Variants in LCLAT1 observed in about 807,000 individuals in gnomAD.
LCLAT1 encodes the protein lysocardiolipin acyltransferase 1.
A neutral mutation model predicts 30.7 loss-of-function variants in LCLAT1; 11 were observed. That is an observed-to-expected ratio of 0.36 (90% CI 0.23 to 0.59). The LOEUF is 0.59. Ranked by LOEUF, LCLAT1 falls within the 20% of genes least tolerant of loss-of-function variation. The pLI, the probability that LCLAT1 is intolerant of heterozygous loss-of-function variation, is 0.77. For missense variants in LCLAT1, 402 were observed against 458.6 expected (o/e 0.88, Z 1.13); for synonymous variants, 155 against 151.3 (o/e 1.02, Z -0.18).
intron 5 of LCLAT1, among the ~76,000 whole-genome samples, chr2:30,596,995 G>A (rs866628508): frequency 7.9e-6 from 1 of 127,276 alleles, no homozygotes; most frequent in African/African-American, 3.0e-5. Flanking sequence ...CTGTTCCATT[G>A]GTCTATGTGT....
chr2:30,527,610 C>T (rs1685779878), intron 2 of LCLAT1, among the ~76,000 whole-genome samples: 1 of 152,124 alleles, frequency 6.6e-6, no homozygotes, highest in Non-Finnish European at 1.5e-5. Flanking sequence ...CACTATTGGC[C>T]TTCCCACTTT....
chr2:30,541,353 C>T (rs904167854), intron 3 of LCLAT1, among the ~76,000 whole-genome samples: 1 of 152,058 alleles, frequency 6.6e-6, no homozygotes, highest in Non-Finnish European at 1.5e-5. Context: ...GATTGCACCA[C>T]TGCACTCCAG....
At position 30,472,296 on chromosome 2, in the gene LCLAT1, C is replaced by G. The variant is rs577814614; in HGVS notation, c.-5+24913C>G. On this transcript the variant is annotated intron_variant, in intron 1 of 5. Coordinates refer to ENST00000379509, the MANE Select transcript of LCLAT1 (RefSeq NM_001002257.3). The stretch of plus-strand genomic sequence containing the variant: ...TTCCACTTGTTTATTTGGTTTTACT[C>G]TCTAAACTGTTGGAGTTGATAATTA... Among the ~76,000 whole-genome samples the G allele has an allele frequency of 8.5e-5, 13 of 152,312 alleles. No homozygotes were observed. The East Asian group carries it at 2.5e-3, about 29-fold the overall frequency.
intron 1 of LCLAT1, among the ~76,000 whole-genome samples, chr2:30,469,968 T>C (rs767813897): frequency 6.6e-6 from 1 of 152,120 alleles, no homozygotes; most frequent in Non-Finnish European, 1.5e-5. Context: ...TGGCCTCAAG[T>C]GATCCACCCG....
At chr2:30,543,035 G>A (rs1409440312) in intron 3 of LCLAT1, among the ~76,000 whole-genome samples, 2 of 146,192 alleles carry the variant, frequency 1.4e-5, no homozygotes, top group African/African-American at 2.5e-5. Context: ...AGACATCCTT[G>A]CCGTGTCCCT....
At chr2:30,475,804 C>G (rs915692901) in intron 1 of LCLAT1, among the ~76,000 whole-genome samples, 1 of 152,158 alleles carries the variant, frequency 6.6e-6, no homozygotes, top group Admixed American at 6.5e-5. Flanking sequence ...GAGAAGATTT[C>G]AGTATAATGA....
chr2:30,457,926 G>A (rs72853170), intron 1 of LCLAT1, among the ~76,000 whole-genome samples: 1 of 151,986 alleles, frequency 6.6e-6, no homozygotes, highest in Non-Finnish European at 1.5e-5. Flanking sequence ...AAGAGATGTT[G>A]TAAGTTACAC....
intron 1 of LCLAT1, among the ~76,000 whole-genome samples, chr2:30,506,649 T>C (rs988549505): frequency 2.6e-5 from 4 of 152,110 alleles, no homozygotes; most frequent in African/African-American, 9.7e-5. Flanking sequence ...GGAAAACAAA[T>C]ACAGTTCTCA....
chr2:30,553,652 A>C (rs1664782127), intron 3 of LCLAT1, among the ~76,000 whole-genome samples: 1 of 151,790 alleles, frequency 6.6e-6, no homozygotes, highest in Non-Finnish European at 1.5e-5. Context: ...CGTCTCTACT[A>C]AAAATACAAA....
rs1572548723 is a variant in LCLAT1, at chr2:30,511,070, G to GA, written c.-4-14516dup. 2.0e-5 allele frequency among the ~76,000 whole-genome samples: 3 copies of GA among 151,960 alleles called. No homozygotes were observed. In the East Asian group the frequency reaches 5.8e-4, roughly 29 times the overall value. ...TAATTTAGTCTCTAATGTCATGTTA[G>GA]AGTGTTTGCTCAGAAGTCTCATTAT... is the stretch of plus-strand genomic sequence containing the variant. On this transcript the variant is annotated intron_variant, in intron 1 of 5. Coordinates refer to ENST00000379509, the MANE Select transcript of LCLAT1 (RefSeq NM_001002257.3).
chr2:30,617,319 A>T (rs1458329680), intron 5 of LCLAT1, among the ~76,000 whole-genome samples: 1 of 152,086 alleles, frequency 6.6e-6, no homozygotes, highest in African/African-American at 2.4e-5. Flanking sequence ...TTTAAGTTAG[A>T]ATAATGCTGT....
At chr2:30,555,900 C>T (rs914357586) in intron 3 of LCLAT1, among the ~76,000 whole-genome samples, 2 of 147,034 alleles carry the variant, frequency 1.4e-5, no homozygotes, top group Admixed American at 6.9e-5. Context: ...TGCACTGGCG[C>T]GATCTGGGCT....
rs1173293802 is a variant in LCLAT1 at position 30,606,126 on chromosome 2, G to T, written c.629-33991G>T. ...AATGGAAAAACACTCCATGCTCATGGATTGGAAGAATCAATATCGTGAAAT... is the reference window on the plus strand; with the variant it reads ...AATGGAAAAACACTCCATGCTCATGTATTGGAAGAATCAATATCGTGAAAT... On this transcript the variant is annotated intron_variant, in intron 5 of 5. Coordinates refer to ENST00000379509, the MANE Select transcript of LCLAT1 (RefSeq NM_001002257.3). The T allele has an allele frequency of 2.1e-5, 18 of 870,336 alleles. No individual in the cohort carries two copies. In the Admixed American group the frequency reaches 4.3e-4, roughly 21 times the overall value. The allele number at this position is 870,336 out of a possible 1,614,324, so 53.9% of individuals were successfully genotyped here. A position where few individuals can be genotyped will look rare whatever the true frequency, so the allele number is the denominator to read the frequency against.
chr2:30,545,627 T>C (rs1033998501), intron 3 of LCLAT1, among the ~76,000 whole-genome samples: 3 of 148,186 alleles, frequency 2.0e-5, no homozygotes, highest in Non-Finnish European at 4.5e-5. Flanking sequence ...TATTAAGATA[T>C]ACAGAATAGA....
At chr2:30,468,743 G>C (rs1253794227) in intron 1 of LCLAT1, among the ~76,000 whole-genome samples, 2 of 152,072 alleles carry the variant, frequency 1.3e-5, no homozygotes, top group Non-Finnish European at 2.9e-5. Context: ...CTATGGATTT[G>C]CCTATTCTGA....
intron 1 of LCLAT1, among the ~76,000 whole-genome samples, chr2:30,502,097 A>T (rs1034259680): frequency 4.6e-5 from 7 of 152,206 alleles, no homozygotes; most frequent in African/African-American, 1.7e-4. Flanking sequence ...GGAGGGAGGA[A>T]AAAACCAGTC....
chr2:30,592,401 G>C (rs1436164198), intron 5 of LCLAT1, among the ~76,000 whole-genome samples: 1 of 152,140 alleles, frequency 6.6e-6, no homozygotes, highest in Non-Finnish European at 1.5e-5. Context: ...GATGGCTTGA[G>C]CTTGCTTGGG....
rs1686062804 is a variant in LCLAT1, at chr2:30,533,170, G to C, written c.220G>C (p.Val74Leu). 6.2e-7 allele frequency: 1 copy of C among 1,613,954 alleles called. No homozygotes were observed. Among genetic ancestry groups the C allele is most frequent in the South Asian group, 1.1e-5 (1 of 91,086 alleles). ...VKVIITGDAF[V>L]PGERSVIIMN... ...AGTGATTATAACTGGGGATGCATTT[G>C]TTCCTGGAGAAAGAAGTGTCATTAT... Residue 74 changes from valine (V) to leucine (L), a missense_variant, in exon 3 of 6, where the codon GTT (valine) becomes CTT (leucine). By Grantham distance (32) the Val-to-Leu change is conservative. Coordinates refer to ENST00000379509, the MANE Select transcript of LCLAT1 (RefSeq NM_001002257.3).
chr2:30,492,800 A>G (rs965676005), intron 1 of LCLAT1, among the ~76,000 whole-genome samples: 1 of 152,186 alleles, frequency 6.6e-6, no homozygotes, highest in Non-Finnish European at 1.5e-5. Flanking sequence ...GGTTGGAAGA[A>G]TTTTTATCAC....
Sources: gnomAD v4.1 joint callset for allele counts (sites outside exome capture counted in the v4.1 genomes callset) on GRCh38, gnomAD v4.1.1 for gene constraint, MANE v1.5 for transcripts, NCBI Gene and HGNC (gene_info 2026-07-23, HGNC 2026-07-21) for gene names.